RANBP2: variants seen among roughly 807,000 people sequenced by gnomAD.
The protein encoded by RANBP2 is E3 SUMO-protein ligase RanBP2.
A neutral mutation model predicts 303.6 loss-of-function variants in RANBP2; 57 were observed. The observed-to-expected ratio is 0.19, with a 90% CI of 0.15 to 0.23. The LOEUF (loss-of-function observed/expected upper bound fraction) is 0.23. RANBP2 is among the 10% of genes least tolerant of loss of function. RANBP2 has a pLI of 1.00. For synonymous variants in RANBP2, 1,167 were observed against 1,301.5 expected (o/e 0.90, Z 2.23); for missense variants, 3,138 against 3,780.8 (o/e 0.83, Z 4.46).
chr2:109,200,087 C>T, the RANBP2 span, among the ~76,000 whole-genome samples: 9 of 152,110 alleles, frequency 5.9e-5, no homozygotes, highest in African/African-American at 2.2e-4. Flanking sequence ...CCAGCATTTT[C>T]CTTCCAAGCC....
At chr2:108,845,823 G>A in the RANBP2 span, among the ~76,000 whole-genome samples, 4 of 151,994 alleles carry the variant, frequency 2.6e-5, no homozygotes, top group Non-Finnish European at 5.9e-5. Context: ...TGCCTGCCTC[G>A]GCGTCCCAAA....
chr2:109,434,380 C>T, the RANBP2 span, among the ~76,000 whole-genome samples: 1 of 152,244 alleles, frequency 6.6e-6, no homozygotes, highest in Non-Finnish European at 1.5e-5. Context: ...TCTGATTCTT[C>T]CTTTATCTTT....
chr2:109,427,720 C>T, the RANBP2 span, among the ~76,000 whole-genome samples: 2 of 152,244 alleles, frequency 1.3e-5, no homozygotes. Context: ...ACACTTGGTT[C>T]TACCTGGGAG....
rs1390609408 is a variant in RANBP2, at chr2:108,764,655, T to C, written c.4116T>C (p.Cys1372=). ...AGAATGCTTCAACTGCTAAGAAATG[T>C]GTATCATGCCAAAATCTAAACCCAA... The part of the protein sequence containing the change: ...SLKNASTAKK[C]VSCQNLNPSN... The change falls in exon 20 of 29, where the codon TGT becomes TGC. Residue 1372 remains cysteine (C), a synonymous_variant. Coordinates refer to ENST00000283195, the MANE Select transcript of RANBP2 (RefSeq NM_006267.5). 2 of 1,614,082 alleles carry C rather than the reference T, an allele frequency of 1.2e-6. No homozygotes were observed. The highest frequency in any genetic ancestry group is 2.2e-5 in the East Asian group (1 of 44,880).
chr2:108,907,182 A>T, the RANBP2 span, among the ~76,000 whole-genome samples: 12 of 152,240 alleles, frequency 7.9e-5, no homozygotes, highest in Non-Finnish European at 1.5e-4. Flanking sequence ...TTATATTTTT[A>T]AAAATGCATA....
At chr2:109,373,168 C>G in the RANBP2 span, among the ~76,000 whole-genome samples, 2 of 152,222 alleles carry the variant, frequency 1.3e-5, no homozygotes, top group Non-Finnish European at 2.9e-5. Context: ...CTCAACACTT[C>G]GCAAGTTTCC....
the RANBP2 span, among the ~76,000 whole-genome samples, chr2:109,592,799 AAAAAG>A: frequency 6.6e-6 from 1 of 152,062 alleles, no homozygotes; most frequent in Non-Finnish European, 1.5e-5. Context: ...AAGGAAACGA[AAAAAG>A]AAACAGAAAA....
At chr2:109,642,356 C>G in the RANBP2 span, among the ~76,000 whole-genome samples, 6 of 152,346 alleles carry the variant, frequency 3.9e-5, no homozygotes, top group East Asian at 9.7e-4. Flanking sequence ...ACCACTTACT[C>G]TGGACTGTAG....
chr2:108,845,862 C>T, the RANBP2 span, among the ~76,000 whole-genome samples: 36 of 152,244 alleles, frequency 2.4e-4, no homozygotes, highest in African/African-American at 4.3e-4. Flanking sequence ...TGAGCCACCG[C>T]GCCCAGCCTC....
At chr2:109,074,353 G>T in the RANBP2 span, among the ~76,000 whole-genome samples, 2 of 150,256 alleles carry the variant, frequency 1.3e-5, no homozygotes, top group African/African-American at 4.8e-5. Flanking sequence ...GGACAACAGA[G>T]CAAGACTCTG....
At chr2:108,779,958 A>G (rs1049158838) in intron 25 of RANBP2, among the ~76,000 whole-genome samples, 1 of 152,200 alleles carries the variant, frequency 6.6e-6, no homozygotes, top group Non-Finnish European at 1.5e-5. Context: ...ATTTGGAAGT[A>G]GCAGGTTTGG....
At chr2:109,715,186 C>T in the RANBP2 span, among the ~76,000 whole-genome samples, 3 of 151,910 alleles carry the variant, frequency 2.0e-5, no homozygotes, top group Non-Finnish European at 4.4e-5. Flanking sequence ...AAGCTGGTCT[C>T]GAACTCCTGA....
At chr2:109,541,433 C>T in the RANBP2 span, among the ~76,000 whole-genome samples, 1 of 152,186 alleles carries the variant, frequency 6.6e-6, no homozygotes, top group African/African-American at 2.4e-5. Context: ...TATTGTATCT[C>T]TAAAGGGTTG....
chr2:109,262,943 C>T, the RANBP2 span, among the ~76,000 whole-genome samples: 4 of 152,272 alleles, frequency 2.6e-5, no homozygotes, highest in African/African-American at 9.6e-5. Flanking sequence ...AGCAACTCTT[C>T]TGTCTCAGCC....
chr2:109,285,967 G>A, the RANBP2 span, among the ~76,000 whole-genome samples: 1 of 152,148 alleles, frequency 6.6e-6, no homozygotes, highest in African/African-American at 2.4e-5. Context: ...GAGGGTCCAT[G>A]GCCTGCAGGA....
chr2:109,066,897 T>C, the RANBP2 span, among the ~76,000 whole-genome samples: 2 of 152,164 alleles, frequency 1.3e-5, no homozygotes, highest in African/African-American at 4.8e-5. Context: ...TCTCTGAGGC[T>C]GAGAGATGTC....
the RANBP2 span, among the ~76,000 whole-genome samples, chr2:109,083,848 A>G: frequency 2.0e-5 from 3 of 151,570 alleles, no homozygotes; most frequent in Non-Finnish European, 2.9e-5. Flanking sequence ...TTTCCAAAAC[A>G]TTTTTCAATT....
chr2:109,388,641 T>G, the RANBP2 span, among the ~76,000 whole-genome samples: 1 of 152,240 alleles, frequency 6.6e-6, no homozygotes, highest in Non-Finnish European at 1.5e-5. Flanking sequence ...CAAACACCTA[T>G]GCATGGAATA....
chr2:109,175,352 A>T, the RANBP2 span, among the ~76,000 whole-genome samples: 1 of 152,232 alleles, frequency 6.6e-6, no homozygotes, highest in African/African-American at 2.4e-5. Flanking sequence ...GCAGCACAGA[A>T]ACAAAGGTTA....
Sources: gnomAD v4.1 joint callset for allele counts (sites outside exome capture counted in the v4.1 genomes callset) on GRCh38, gnomAD v4.1.1 for gene constraint, MANE v1.5 for transcripts, NCBI Gene and HGNC (gene_info 2026-07-23, HGNC 2026-07-21) for gene names.